Variants in SORCS2 observed in about 807,000 individuals in gnomAD.
SORCS2 encodes the protein sortilin related VPS10 domain containing receptor 2.
In SORCS2, 100 loss-of-function variants were observed where a neutral mutation model predicts 141.6. The observed-to-expected ratio is 0.71, with a 90% CI of 0.60 to 0.83. SORCS2 has a LOEUF of 0.83. Ranked by LOEUF, SORCS2 falls within the 40% of genes least tolerant of loss-of-function variation. The pLI is 0.00. For missense variants in SORCS2, 1,646 were observed against 1,560.2 expected, an observed-to-expected ratio of 1.05 and a Z score of -0.93; for synonymous variants, 789 against 676.9, an observed-to-expected ratio of 1.17 and a Z score of -2.57.
rs1727021768 is a variant in SORCS2, at chr4:7,193,983, C to A, written c.480+857C>A. Among the ~76,000 whole-genome samples, 1 of 152,116 alleles carries A rather than the reference C, an allele frequency of 6.6e-6. No homozygotes were observed. On this transcript the variant is annotated intron_variant, in intron 1 of 26. Coordinates refer to ENST00000507866, the MANE Select transcript of SORCS2 (RefSeq NM_020777.3). The surrounding 1 kb of genome is among the most constrained non-coding windows in gnomAD (Gnocchi z 4.8). ...GCAGAGGGTCCCTTTAGATTATTCC[C>A]CTGGGGGCTGCCTCAACCTCACTCC...
At chr4:7,289,722 T>C (rs1716482064) in intron 1 of SORCS2, among the ~76,000 whole-genome samples, 1 of 152,214 alleles carries the variant, frequency 6.6e-6, no homozygotes, top group Non-Finnish European at 1.5e-5. Context: ...CAGACTCTCC[T>C]ATCAGCAGCG....
At chr4:7,636,696 C>A (rs1720279444) in intron 3 of SORCS2, among the ~76,000 whole-genome samples, 1 of 152,132 alleles carries the variant, frequency 6.6e-6, no homozygotes. Flanking sequence ...CTTTGAAAAC[C>A]TAAACCAGGC....
At chr4:7,590,316 A>G (rs907972028) in intron 3 of SORCS2, among the ~76,000 whole-genome samples, 7 of 152,184 alleles carry the variant, frequency 4.6e-5, no homozygotes, top group African/African-American at 1.7e-4. Flanking sequence ...CGAATGAGTC[A>G]TGCATATTCA....
At chr4:7,441,577 A>C (rs1231510294) in intron 2 of SORCS2, among the ~76,000 whole-genome samples, 2 of 151,892 alleles carry the variant, frequency 1.3e-5, no homozygotes. Context: ...AAGCCAAGGA[A>C]GGGTAGAGCC....
At chr4:7,719,390 C>G (rs1726421668) in intron 18 of SORCS2, among the ~76,000 whole-genome samples, 1 of 152,244 alleles carries the variant, frequency 6.6e-6, no homozygotes, top group African/African-American at 2.4e-5. Context: ...TCTTGCCAAC[C>G]TGCTTTATAG....
At chr4:7,209,084 G>T (rs1250214335) in intron 1 of SORCS2, among the ~76,000 whole-genome samples, 3 of 152,214 alleles carry the variant, frequency 2.0e-5, no homozygotes, top group African/African-American at 7.2e-5. Context: ...CAGACCTCGT[G>T]AAACTTCATC....
chr4:7,724,843 G>A (rs1727046338), intron 19 of SORCS2, among the ~76,000 whole-genome samples: 1 of 127,622 alleles, frequency 7.8e-6, no homozygotes. Context: ...TGGTGGAGGT[G>A]ATGGTGGTAG....
chr4:7,528,360 G>A (rs905674919), intron 2 of SORCS2, among the ~76,000 whole-genome samples: 5 of 151,532 alleles, frequency 3.3e-5, no homozygotes, highest in African/African-American at 9.7e-5. Context: ...GGTTTGCATT[G>A]TCTGCAGGGT....
chr4:7,477,682 GA>G (rs1384531763), intron 2 of SORCS2, among the ~76,000 whole-genome samples: 15 of 152,282 alleles, frequency 9.9e-5, no homozygotes, highest in African/African-American at 3.6e-4. Context: ...GACATGGATG[GA>G]GACAAATGGC....
At chr4:7,338,607 A>G (rs1187642535) in intron 1 of SORCS2, among the ~76,000 whole-genome samples, 1 of 152,156 alleles carries the variant, frequency 6.6e-6, no homozygotes, top group Non-Finnish European at 1.5e-5. Flanking sequence ...CTCTTGATAC[A>G]GTGCTCTTTC....
Position 7,532,026 on chromosome 4 carries a change from G to A in SORCS2, c.648+397G>A, listed in dbSNP as rs139025656. 6.2e-4 allele frequency among the ~76,000 whole-genome samples: 94 copies of A among 152,300 alleles called. No homozygotes were observed. In the South Asian group the frequency reaches 0.012, roughly 20 times the overall value. On this transcript the variant is annotated intron_variant, in intron 3 of 26. Transcript: ENST00000507866. The stretch of plus-strand genomic sequence containing the variant: ...TTCTTCGGAAGTTAGTTGTTGATCC[G>A]GTTTTGATTATGCTATGATTTCCAT...
Position 7,193,237 on chromosome 4 carries a change from G to T in SORCS2, c.480+111G>T. ...ATCCCCACTATGGTCATCAGGGGCG[G>T]GTTCTTGGCGACTTGGGCACTTGGG... On this transcript the variant is annotated intron_variant, in intron 1 of 26. Coordinates refer to ENST00000507866, the MANE Select transcript of SORCS2 (RefSeq NM_020777.3). This position sits in a 1 kb window ranked among gnomAD's most constrained non-coding sequence, Gnocchi z 4.8. 2 of 1,269,540 alleles carry T rather than the reference G, an allele frequency of 1.6e-6. No homozygotes were observed. The highest frequency in any genetic ancestry group is 2.0e-6 in the Non-Finnish European group (2 of 1,003,374). The allele number at this position is 1,269,540 out of a possible 1,614,324, so 78.6% of individuals were successfully genotyped here.
intron 8 of SORCS2, among the ~76,000 whole-genome samples, chr4:7,672,999 G>T (rs1306458969): frequency 6.6e-6 from 1 of 152,114 alleles, no homozygotes; most frequent in Non-Finnish European, 1.5e-5. Context: ...ATACAAATAT[G>T]TACAATCACA....
chr4:7,229,397 C>T (rs1214954863), intron 1 of SORCS2, among the ~76,000 whole-genome samples: 1 of 152,172 alleles, frequency 6.6e-6, no homozygotes, highest in African/African-American at 2.4e-5. Flanking sequence ...TCAAGAGGGT[C>T]TAAGGACTCC....
At chr4:7,387,853 CAT>C (rs1723540595) in intron 1 of SORCS2, among the ~76,000 whole-genome samples, 1 of 124,652 alleles carries the variant, frequency 8.0e-6, no homozygotes, top group Admixed American at 8.3e-5. Context: ...CATGCACACA[CAT>C]ACAGGTACAC....
At chr4:7,737,030 G>A in intron 25 of SORCS2, 39 bp from the exon 26 acceptor site, 2 of 1,548,688 alleles carry the variant, frequency 1.3e-6, no homozygotes, top group Non-Finnish European at 1.7e-6. Flanking sequence ...GGCCTGGGAA[G>A]CCCCTCCAAG....
chr4:7,718,388 G>A (rs1005185810), intron 18 of SORCS2, among the ~76,000 whole-genome samples: 5 of 152,178 alleles, frequency 3.3e-5, no homozygotes, highest in Non-Finnish European at 7.3e-5. Context: ...CAATGAAAGA[G>A]ACATGAAGGA....
At chr4:7,458,658 T>C (rs1461911015) in intron 2 of SORCS2, among the ~76,000 whole-genome samples, 2 of 152,158 alleles carry the variant, frequency 1.3e-5, no homozygotes, top group Non-Finnish European at 2.9e-5. Context: ...TTGACCTGAG[T>C]GTCCTTTCTC....
At chr4:7,422,704 G>A (rs960364310) in intron 2 of SORCS2, among the ~76,000 whole-genome samples, 2 of 152,024 alleles carry the variant, frequency 1.3e-5, no homozygotes, top group African/African-American at 2.4e-5. Context: ...CCGGAACAGG[G>A]ACCTCCTCTC....
Sources: allele counts gnomAD v4.1 joint callset (sites outside exome capture counted in the v4.1 genomes callset), GRCh38; gene constraint gnomAD v4.1.1; non-coding constraint Gnocchi (gnomAD v3.1); transcripts MANE v1.5; gene names NCBI Gene and HGNC (gene_info 2026-07-23, HGNC 2026-07-21).